CLTA: variants seen among roughly 807,000 people sequenced by gnomAD.
CLTA encodes the protein clathrin, light polypeptide (Lca).
In CLTA, 9 loss-of-function variants were observed where a neutral mutation model predicts 26.9. The ratio of observed to expected loss-of-function variants is 0.33; its 90% CI spans 0.20 to 0.58. The LOEUF (loss-of-function observed/expected upper bound fraction) is 0.58, where lower values mean the gene tolerates loss of function less well. Ranked by LOEUF, CLTA falls within the 20% of genes least tolerant of loss-of-function variation. The pLI, the probability that CLTA is intolerant of heterozygous loss-of-function variation, is 0.85. For synonymous variants in CLTA, 120 were observed against 115.5 expected (o/e 1.04, Z -0.25); for missense variants, 278 against 294.2 (o/e 0.94, Z 0.40).
intron 4 of CLTA, among the ~76,000 whole-genome samples, chr9:36,208,630 G>A (rs1827854932): frequency 6.6e-6 from 1 of 152,212 alleles, no homozygotes; most frequent in Non-Finnish European, 1.5e-5. Context: ...GACAGTGTGG[G>A]GAAGCAGTAG....
At position 36,211,626 on chromosome 9, in the gene CLTA, A is replaced by G. The variant is rs143176742; in HGVS notation, c.509A>G (p.Asn170Ser). 8.1e-6 allele frequency: 13 copies of G among 1,612,974 alleles called. No individual in the cohort carries two copies. Among genetic ancestry groups the G allele is most frequent in the Non-Finnish European group, 1.1e-5 (13 of 1,179,246 alleles). Residue 170 changes from asparagine (N) to serine (S), a missense_variant, in exon 5 of 5, where the codon AAT (asparagine) becomes AGT (serine). Transcript: ENST00000345519. ...AGGGCAGCAGAAGAAGCCTTTGTAA[A>G]TGACATTGACGAGTCGTCCCCAGGC... Reference protein sequence around the residue: ...NNRAAEEAFVNDIDESSPGTE... With the variant: ...NNRAAEEAFVSDIDESSPGTE...
chr9:36,210,283 C>G (rs1212075551), intron 4 of CLTA, among the ~76,000 whole-genome samples: 1 of 152,128 alleles, frequency 6.6e-6, no homozygotes, highest in Non-Finnish European at 1.5e-5. Context: ...TGTAGAGCCT[C>G]TCAGGGCCTA....
chr9:36,201,512 T>A (rs963986523), intron 3 of CLTA, among the ~76,000 whole-genome samples: 1 of 152,214 alleles, frequency 6.6e-6, no homozygotes, highest in Non-Finnish European at 1.5e-5. Flanking sequence ...ATGTACTATT[T>A]TATGCAGTAA....
chr9:36,191,745 C>T (rs1826737139), intron 1 of CLTA, among the ~76,000 whole-genome samples: 1 of 152,186 alleles, frequency 6.6e-6, no homozygotes. Context: ...TGCAGTTCAG[C>T]ATTTAAGCAC....
chr9:36,209,119 A>G, intron 4 of CLTA: 1 of 894,644 alleles, frequency 1.1e-6, no homozygotes, highest in Non-Finnish European at 1.7e-6. Flanking sequence ...CCAGCGCTGG[A>G]AGCCTCACGG....
intron 4 of CLTA, among the ~76,000 whole-genome samples, chr9:36,204,989 G>A (rs1827630799): frequency 6.6e-6 from 1 of 152,156 alleles, no homozygotes; most frequent in Non-Finnish European, 1.5e-5. Flanking sequence ...TAATTTTCAG[G>A]GTAGAGCCTT....
intron 1 of CLTA, among the ~76,000 whole-genome samples, chr9:36,195,692 T>A (rs1213381143): frequency 6.6e-6 from 1 of 152,098 alleles, no homozygotes; most frequent in African/African-American, 2.4e-5. Flanking sequence ...CTGGGCCAGG[T>A]GCGGTGGCTC....
chr9:36,209,149 G>T, intron 4 of CLTA: 1 of 1,253,492 alleles, frequency 8.0e-7, no homozygotes. Context: ...AGGAGCCTTG[G>T]GAGCAGCTCC....
In CLTA at chr9:36,204,024, A is replaced by G. The variant is rs746434647; in HGVS notation, c.374-44A>G. 1.4e-5 allele frequency: 22 copies of G among 1,611,002 alleles called. No individual in the cohort carries two copies. In the South Asian group the frequency reaches 1.4e-4, roughly 11 times the overall value. ...AATAAACTGATGAACTTCAGTTTGC[A>G]CTTTGCCTCAATTGTATTGTCTTTC... On this transcript the variant is annotated intron_variant, in intron 3 of 4. Transcript: ENST00000345519.
chr9:36,192,568 G>A (rs1826796528), intron 1 of CLTA, among the ~76,000 whole-genome samples: 1 of 152,198 alleles, frequency 6.6e-6, no homozygotes, highest in Admixed American at 6.5e-5. Context: ...ACTAGGCTGT[G>A]ATTGTGAGAT....
intron 1 of CLTA, among the ~76,000 whole-genome samples, chr9:36,191,785 G>A (rs982965982): frequency 1.8e-4 from 27 of 152,224 alleles, no homozygotes; most frequent in African/African-American, 6.5e-4. Context: ...GGATTACGAG[G>A]AGGAAGGAGG....
At chr9:36,196,672 G>T (rs1245944431) in intron 1 of CLTA, among the ~76,000 whole-genome samples, 1 of 152,038 alleles carries the variant, frequency 6.6e-6, no homozygotes, top group African/African-American at 2.4e-5. Flanking sequence ...TCTACACCAA[G>T]AAATTTATTA....
chr9:36,204,023 C>T, intron 3 of CLTA, 45 bp from the exon 4 acceptor site: 1 of 1,610,036 alleles, frequency 6.2e-7, no homozygotes. Context: ...CTTCAGTTTG[C>T]ACTTTGCCTC....
intron 4 of CLTA, among the ~76,000 whole-genome samples, chr9:36,208,459 T>C (rs1039324294): frequency 6.6e-6 from 1 of 152,122 alleles, no homozygotes; most frequent in Admixed American, 6.5e-5. Flanking sequence ...GCTTCTTGAG[T>C]AGAGAGAGAG....
chr9:36,191,343 T>A, intron 1 of CLTA, 70 bp downstream of exon 1: 1 of 1,416,114 alleles, frequency 7.1e-7, no homozygotes, highest in South Asian at 1.5e-5. Flanking sequence ...GTCCGAGAGC[T>A]TCTGTGTGAC....
At chr9:36,198,731 A>C (rs1200896698) in intron 2 of CLTA, among the ~76,000 whole-genome samples, 3 of 149,036 alleles carry the variant, frequency 2.0e-5, no homozygotes, top group South Asian at 2.2e-4. Context: ...GCAACCACAT[A>C]GGCCAGGCGC....
chr9:36,201,003 A>C (rs911092557), intron 3 of CLTA, among the ~76,000 whole-genome samples: 4 of 152,108 alleles, frequency 2.6e-5, no homozygotes, highest in African/African-American at 9.7e-5. Context: ...CAGAACCCAA[A>C]TTTATCTTTT....
intron 3 of CLTA, among the ~76,000 whole-genome samples, chr9:36,199,603 A>T (rs544228548): frequency 1.4e-5 from 2 of 145,728 alleles, no homozygotes; most frequent in African/African-American, 5.3e-5. Context: ...GGCGCCCGCC[A>T]CTACGTCCCG....
chr9:36,201,252 C>G (rs1827384278), intron 3 of CLTA, among the ~76,000 whole-genome samples: 1 of 152,124 alleles, frequency 6.6e-6, no homozygotes, highest in African/African-American at 2.4e-5. Context: ...TTTTTCCTTG[C>G]AAAAACTGTG....
Sources: gnomAD v4.1 joint callset for allele counts (sites outside exome capture counted in the v4.1 genomes callset) on GRCh38, gnomAD v4.1.1 for gene constraint, MANE v1.5 for transcripts, NCBI Gene and HGNC (gene_info 2026-07-23, HGNC 2026-07-21) for gene names.